The following SKAP1 variants were observed in gnomAD, a reference collection of about 807,000 sequenced individuals.
SKAP1 encodes src kinase associated phosphoprotein 1.
A neutral mutation model predicts 58.5 loss-of-function variants in SKAP1; 44 were observed. The observed-to-expected ratio is 0.75, with a 90% CI of 0.59 to 0.97. SKAP1 has a LOEUF of 0.97. SKAP1 is among the 50% of genes least tolerant of loss of function. SKAP1 has a pLI of 0.00. For synonymous variants in SKAP1, 127 were observed against 149.7 expected (o/e 0.85, Z 1.11); for missense variants, 390 against 435.2 (o/e 0.90, Z 0.92).
At chr17:48,330,871 T>C (rs1290312595) in intron 4 of SKAP1, among the ~76,000 whole-genome samples, 5 of 151,936 alleles carry the variant, frequency 3.3e-5, no homozygotes, top group Non-Finnish European at 7.4e-5. Flanking sequence ...AAGAGAGCTA[T>C]GAGTTCAATA....
At chr17:48,400,100 TC>T (rs2067477888) in intron 1 of SKAP1, among the ~76,000 whole-genome samples, 1 of 144,812 alleles carries the variant, frequency 6.9e-6, no homozygotes, top group Admixed American at 6.9e-5. Flanking sequence ...TTTTTTCTTT[TC>T]TTTTTTTTTT....
intron 4 of SKAP1, among the ~76,000 whole-genome samples, chr17:48,250,997 T>G (rs1462866318): frequency 6.6e-6 from 1 of 152,228 alleles, no homozygotes; most frequent in Non-Finnish European, 1.5e-5. Context: ...TATTAACCAT[T>G]TAAACCTGCT....
At chr17:48,234,162 A>T (rs1017774243) in intron 4 of SKAP1, among the ~76,000 whole-genome samples, 1 of 152,218 alleles carries the variant, frequency 6.6e-6, no homozygotes. Context: ...TATGAGGATT[A>T]AAAAAAGGCA....
chr17:48,405,024 C>A (rs1229492982), intron 1 of SKAP1, among the ~76,000 whole-genome samples: 2 of 152,038 alleles, frequency 1.3e-5, no homozygotes, highest in Non-Finnish European at 2.9e-5. Flanking sequence ...ATAGATATGA[C>A]CTGTTATGTG....
chr17:48,259,534 C>T (rs566381089), intron 4 of SKAP1, among the ~76,000 whole-genome samples: 46 of 152,042 alleles, frequency 3.0e-4, no homozygotes, highest in Admixed American at 9.2e-4. Context: ...ATATAATGTG[C>T]TTTATAAGAA....
chr17:48,189,264 G>A (rs911363239), intron 5 of SKAP1, among the ~76,000 whole-genome samples, 159 bp downstream of exon 5: 6 of 152,148 alleles, frequency 3.9e-5, no homozygotes, highest in African/African-American at 1.2e-4. Flanking sequence ...TAGCCTACAC[G>A]AAAACACCAG....
chr17:48,440,449 G>C, the SKAP1 span, among the ~76,000 whole-genome samples: 1 of 152,208 alleles, frequency 6.6e-6, no homozygotes, highest in Non-Finnish European at 1.5e-5. Flanking sequence ...GTGTCCTTGG[G>C]AGGTGAGACT....
chr17:48,261,182 C>G (rs2065480545), intron 4 of SKAP1, among the ~76,000 whole-genome samples: 1 of 152,096 alleles, frequency 6.6e-6, no homozygotes, highest in Non-Finnish European at 1.5e-5. Flanking sequence ...TGATGCCATG[C>G]TCTGCAAGGA....
chr17:48,141,509 T>A (rs983069455), intron 11 of SKAP1, among the ~76,000 whole-genome samples: 4 of 152,064 alleles, frequency 2.6e-5, no homozygotes, highest in African/African-American at 9.7e-5. Context: ...TCTGAGTAGC[T>A]GGGATTACAG....
rs189345927 is a variant in SKAP1 at position 48,367,623 on chromosome 17, T to A, written c.153-3809A>T. ...ATATATTTCACTGCATTTGTCAATT[T>A]AAAAAAATCTGAGGTCAGGTGTGGT... On this transcript the variant is annotated intron_variant, in intron 2 of 12. Coordinates refer to ENST00000336915, the MANE Select transcript of SKAP1 (RefSeq NM_003726.4). 5.5e-4 allele frequency among the ~76,000 whole-genome samples: 80 copies of A among 145,566 alleles called. No homozygotes were observed. The East Asian group carries it at 0.014, about 25-fold the overall frequency.
chr17:48,337,472 C>T (rs1464053179), intron 4 of SKAP1, among the ~76,000 whole-genome samples: 1 of 152,112 alleles, frequency 6.6e-6, no homozygotes, highest in African/African-American at 2.4e-5. Context: ...ATTCCTTTTT[C>T]ATATCCTCTA....
the SKAP1 span, among the ~76,000 whole-genome samples, chr17:48,436,384 C>G: frequency 1.3e-5 from 2 of 152,010 alleles, no homozygotes; most frequent in Non-Finnish European, 2.9e-5. Flanking sequence ...CAACTGTACC[C>G]GGCCTCTATT....
chr17:48,247,689 T>C (rs1358049671), intron 4 of SKAP1, among the ~76,000 whole-genome samples: 3 of 152,108 alleles, frequency 2.0e-5, no homozygotes, highest in African/African-American at 7.2e-5. Context: ...TTTTTCATCC[T>C]TTTTCCCCCA....
At chr17:48,165,604 T>G (rs1396185278) in intron 10 of SKAP1, among the ~76,000 whole-genome samples, 4 of 152,100 alleles carry the variant, frequency 2.6e-5, no homozygotes, top group Non-Finnish European at 4.4e-5. Flanking sequence ...TTCTCCATGT[T>G]GGTCATGCTG....
In SKAP1 at chr17:48,267,624, C is replaced by T. The variant is rs2065569933; in HGVS notation, c.281-78124G>A. Among the ~76,000 whole-genome samples the T allele has an allele frequency of 2.0e-5, 3 of 152,054 alleles. No individual in the cohort carries two copies. The South Asian group carries it at 6.2e-4, about 32-fold the overall frequency. ...CCATTTTTTTAAAAGAGCAAACACACTTGCTTAGTTTAATTTGCTACTATT... is the reference window on the plus strand; with the variant it reads ...CCATTTTTTTAAAAGAGCAAACACATTTGCTTAGTTTAATTTGCTACTATT... On this transcript the variant is annotated intron_variant, in intron 4 of 12. Coordinates refer to ENST00000336915, the MANE Select transcript of SKAP1 (RefSeq NM_003726.4).
chr17:48,292,982 A>C (rs2065916793), intron 4 of SKAP1, among the ~76,000 whole-genome samples: 1 of 152,214 alleles, frequency 6.6e-6, no homozygotes, highest in Non-Finnish European at 1.5e-5. Flanking sequence ...TTAAAAAAGC[A>C]CACTGGGGCA....
intron 10 of SKAP1, among the ~76,000 whole-genome samples, chr17:48,168,144 C>G (rs1371424609): frequency 1.3e-5 from 2 of 152,194 alleles, no homozygotes; most frequent in Admixed American, 6.5e-5. Flanking sequence ...AACCGAATCC[C>G]TTCCCCCCTA....
At chr17:48,197,094 T>C (rs1310721786) in intron 4 of SKAP1, among the ~76,000 whole-genome samples, 1 of 151,852 alleles carries the variant, frequency 6.6e-6, no homozygotes, top group Non-Finnish European at 1.5e-5. Flanking sequence ...CTGTCTTTAC[T>C]AAAAATACAA....
intron 4 of SKAP1, among the ~76,000 whole-genome samples, chr17:48,195,035 G>A (rs1018796534): frequency 1.3e-5 from 2 of 152,138 alleles, no homozygotes; most frequent in African/African-American, 2.4e-5. Context: ...ACAAACACAC[G>A]CTTTAAAATG....
Sources: allele counts gnomAD v4.1 joint callset (sites outside exome capture counted in the v4.1 genomes callset), GRCh38; gene constraint gnomAD v4.1.1; transcripts MANE v1.5; gene names NCBI Gene and HGNC (gene_info 2026-07-23, HGNC 2026-07-21).